The following ASS1 variants were observed in gnomAD, a reference collection of about 807,000 sequenced individuals.
ASS1 encodes argininosuccinate synthase 1, also known as argininosuccinate synthase.
A neutral mutation model predicts 60.5 loss-of-function variants in ASS1; 58 were observed. The ratio of observed to expected loss-of-function variants is 0.96; its 90% CI spans 0.78 to 1.19. The LOEUF (loss-of-function observed/expected upper bound fraction) is 1.19. Ranked by LOEUF, ASS1 falls within the 50% of genes most tolerant of loss-of-function variation. ASS1 has a pLI of 0.00. For synonymous variants in ASS1, 200 were observed against 206.9 expected (o/e 0.97, Z 0.29); for missense variants, 454 against 547.3 (o/e 0.83, Z 1.70).
At chr9:130,492,747 G>T (rs138299668) in intron 12 of ASS1, among the ~76,000 whole-genome samples, 1 of 152,190 alleles carries the variant, frequency 6.6e-6, no homozygotes, top group Non-Finnish European at 1.5e-5. Flanking sequence ...AGAAAGGATC[G>T]CATGTGTTTG....
chr9:130,472,677 GCTGCTGC>G lies in ASS1; in HGVS notation c.597+1169_597+1175del, dbSNP rs1845898943. Among the ~76,000 whole-genome samples the G allele has an allele frequency of 2.0e-5, 3 of 152,334 alleles. No individual in the cohort carries two copies. In the East Asian group the frequency reaches 5.8e-4, roughly 29 times the overall value. The stretch of plus-strand genomic sequence containing the variant: ...TGGGGGCTGATGGCCCCTGTGTGTG[GCTGCTGC>G]CTGCTGGTCACAGGTTTTTCTAGTT... On this transcript the variant is annotated intron_variant, in intron 8 of 14. Coordinates refer to ENST00000352480, the MANE Select transcript of ASS1 (RefSeq NM_054012.4).
At chr9:130,485,279 T>C (rs1233109439) in intron 11 of ASS1, among the ~76,000 whole-genome samples, 5 of 152,148 alleles carry the variant, frequency 3.3e-5, no homozygotes, top group Non-Finnish European at 7.4e-5. Context: ...CTCTGAACAC[T>C]TACCTTTGAG....
chr9:130,451,961 G>A (rs1480154615), intron 1 of ASS1: 1 of 626,174 alleles, frequency 1.6e-6, no homozygotes, highest in Non-Finnish European at 3.0e-6. Context: ...TCCAAGAGAT[G>A]CCTCTCCCCG....
At chr9:130,457,307 C>T (rs1256736683) in intron 3 of ASS1, among the ~76,000 whole-genome samples, 1 of 152,024 alleles carries the variant, frequency 6.6e-6, no homozygotes, top group Non-Finnish European at 1.5e-5. Context: ...CCCATCTCTA[C>T]AAAAAATAAA....
chr9:130,458,675 G>C, intron 4 of ASS1, 86 bp downstream of exon 4: 1 of 1,527,290 alleles, frequency 6.5e-7, no homozygotes, highest in Non-Finnish European at 8.9e-7. Flanking sequence ...GCGGTTTCCT[G>C]GTGTGCCTCC....
At chr9:130,455,844 C>T (rs1172906803) in intron 3 of ASS1, among the ~76,000 whole-genome samples, 1 of 152,246 alleles carries the variant, frequency 6.6e-6, no homozygotes, top group Admixed American at 6.5e-5. Context: ...GGGTAATTAG[C>T]ATGTTAAAAT....
chr9:130,474,259 T>C (rs916991836), intron 8 of ASS1, among the ~76,000 whole-genome samples: 5 of 152,116 alleles, frequency 3.3e-5, no homozygotes, highest in Admixed American at 2.6e-4. Flanking sequence ...TTATTTTATT[T>C]AATCGGCGCT....
At chr9:130,462,689 GCTGT>G (rs1845630322) in intron 4 of ASS1, among the ~76,000 whole-genome samples, 1 of 152,192 alleles carries the variant, frequency 6.6e-6, no homozygotes, top group African/African-American at 2.4e-5. Context: ...CTAAAATGAG[GCTGT>G]CTTTTAGTTG....
chr9:130,479,295 G>A (rs1295186428), intron 9 of ASS1, among the ~76,000 whole-genome samples: 1 of 152,166 alleles, frequency 6.6e-6, no homozygotes, highest in African/African-American at 2.4e-5. Flanking sequence ...GTGTGTGTGT[G>A]TGTGTGTGTG....
chr9:130,479,569 C>A, intron 9 of ASS1, 147 bp from the exon 10 acceptor site: 1 of 727,966 alleles, frequency 1.4e-6, no homozygotes. Context: ...CCTCAACCTG[C>A]ACAGGGCTTT....
At chr9:130,471,319 G>A (rs1845860729) in intron 7 of ASS1, among the ~76,000 whole-genome samples, 166 bp from the exon 8 acceptor site, 1 of 152,234 alleles carries the variant, frequency 6.6e-6, no homozygotes, top group African/African-American at 2.4e-5. Flanking sequence ...AGCTCCACGG[G>A]TGACTATGGT....
At chr9:130,463,971 C>G (rs1346893759) in intron 4 of ASS1, 140 bp from the exon 5 acceptor site, 3 of 860,442 alleles carry the variant, frequency 3.5e-6, no homozygotes, top group Non-Finnish European at 5.8e-6. Flanking sequence ...ACATACACGA[C>G]CTACACTGCA....
chr9:130,452,321 C>T lies in ASS1; in HGVS notation c.93C>T (p.Val31=). Reference sequence around the variant, plus strand: ...GGCTGAAGGAACAAGGCTATGACGTCATTGCCTATCTGGTGAGGGAGCGAC... The same window carrying T: ...GGCTGAAGGAACAAGGCTATGACGTTATTGCCTATCTGGTGAGGGAGCGAC... The part of the protein sequence containing the change: ...LVWLKEQGYD[V]IAYLANIGQK... The change falls in exon 2 of 15, where the codon GTC becomes GTT. Residue 31 remains valine, a synonymous_variant. Transcript: ENST00000352480. The T allele has an allele frequency of 6.2e-7, 1 of 1,614,038 alleles. No homozygotes were observed. Among genetic ancestry groups the T allele is most frequent in the Non-Finnish European group, 8.5e-7 (1 of 1,179,896 alleles).
At chr9:130,463,690 G>A (rs1274874288) in intron 4 of ASS1, among the ~76,000 whole-genome samples, 1 of 152,200 alleles carries the variant, frequency 6.6e-6, no homozygotes, top group Non-Finnish European at 1.5e-5. Context: ...TATGGGTATG[G>A]GGGAGTCCAA....
chr9:130,482,346 G>A (rs1846195000), intron 11 of ASS1, among the ~76,000 whole-genome samples: 1 of 151,470 alleles, frequency 6.6e-6, no homozygotes, highest in African/African-American at 2.4e-5. Context: ...GTGGGTTCCA[G>A]TATTGCACCT....
In ASS1 at chr9:130,478,546, T is replaced by A. The variant is rs1364147741; in HGVS notation, c.689-1170T>A. Among the ~76,000 whole-genome samples, 1 of 152,242 alleles carries A rather than the reference T, an allele frequency of 6.6e-6. No individual in the cohort carries two copies. The highest frequency in any genetic ancestry group is 2.4e-5 in the African/African-American group (1 of 41,482). On this transcript the variant is annotated intron_variant, in intron 9 of 14. Coordinates refer to ENST00000352480, the MANE Select transcript of ASS1 (RefSeq NM_054012.4). This position sits in a 1 kb window ranked among gnomAD's most constrained non-coding sequence, Gnocchi z 4.7. ...GGAACCCTCCCCTGGCTAGTGCCCA[T>A]TCACTCTCTAGTTAATTTATTTGAA...
At chr9:130,486,667 C>T (rs760352874) in intron 11 of ASS1, among the ~76,000 whole-genome samples, 6 of 152,158 alleles carry the variant, frequency 3.9e-5, no homozygotes, top group African/African-American at 1.4e-4. Flanking sequence ...AGACGGTGGA[C>T]ATGCCGAAGG....
intron 9 of ASS1, among the ~76,000 whole-genome samples, chr9:130,479,104 C>A (rs983788506): frequency 3.3e-5 from 5 of 152,076 alleles, no homozygotes; most frequent in Admixed American, 6.5e-5. Context: ...CACCCACTGC[C>A]CCCACCCAAC....
At position 130,454,309 on chromosome 9, in the gene ASS1, A is replaced by C. The variant is rs1412223944; in HGVS notation, c.110A>C (p.Asn37Thr). Reference sequence around the variant, plus strand: ...CTCTCCGCTTCTGCTTCTCAGGCCAACATTGGCCAGAAGGAAGACTTCGAG... The same window carrying C: ...CTCTCCGCTTCTGCTTCTCAGGCCACCATTGGCCAGAAGGAAGACTTCGAG... ...QGYDVIAYLANIGQKEDFEEA... is the reference protein window; with the variant it reads ...QGYDVIAYLATIGQKEDFEEA... The change falls in exon 3 of 15, where the codon AAC (asparagine) becomes ACC (threonine). Residue 37 changes from asparagine to threonine, a missense_variant. Physicochemically the swap from Asn to Thr is moderately conservative, Grantham distance 65. Transcript: ENST00000352480. The C allele has an allele frequency of 6.2e-7, 1 of 1,611,454 alleles. No homozygotes were observed.
Sources: allele counts gnomAD v4.1 joint callset (sites outside exome capture counted in the v4.1 genomes callset), GRCh38; gene constraint gnomAD v4.1.1; non-coding constraint Gnocchi (gnomAD v3.1); transcripts MANE v1.5; gene names NCBI Gene and HGNC (gene_info 2026-07-23, HGNC 2026-07-21).